Variants in GRXCR1 observed in about 807,000 individuals in gnomAD.
The protein encoded by GRXCR1 is glutaredoxin domain-containing cysteine-rich protein 1.
GRXCR1 carries 27 observed loss-of-function variants against 27.3 expected under a neutral mutation model. That is an observed-to-expected ratio of 0.99 (90% CI 0.73 to 1.37). The LOEUF is 1.37. GRXCR1 is among the 40% of genes most tolerant of loss of function. GRXCR1 has a pLI of 0.00. For missense variants in GRXCR1, 379 were observed against 354.4 expected, an observed-to-expected ratio of 1.07 and a Z score of -0.56; for synonymous variants, 122 against 131.1, an observed-to-expected ratio of 0.93 and a Z score of 0.47.
intron 2 of GRXCR1, among the ~76,000 whole-genome samples, chr4:43,004,198 G>A (rs1157913645): frequency 1.3e-5 from 2 of 152,248 alleles, no homozygotes; most frequent in African/African-American, 4.8e-5. Context: ...AGCCTTGGTG[G>A]CATCCACATG....
At chr4:42,957,283 T>C (rs1300074357) in intron 1 of GRXCR1, among the ~76,000 whole-genome samples, 3 of 152,118 alleles carry the variant, frequency 2.0e-5, no homozygotes, top group Non-Finnish European at 4.4e-5. Flanking sequence ...CTTGTAATTC[T>C]ATATTTATGT....
chr4:43,025,949 C>T lies in GRXCR1; in HGVS notation c.694-4412C>T, dbSNP rs144917853. On this transcript the variant is annotated intron_variant, in intron 3 of 3. Coordinates refer to ENST00000399770, the MANE Select transcript of GRXCR1 (RefSeq NM_001080476.3). ...TGAGATCGTGCCACTGCACTCCAGC[C>T]TGGGAAACAGAGCGAAACTCCGTCT... is the stretch of plus-strand genomic sequence containing the variant. Among the ~76,000 whole-genome samples, 724 of 145,722 alleles carry T rather than the reference C, an allele frequency of 5.0e-3. 9 individuals carry two copies. The highest frequency in any genetic ancestry group is 0.016 in the African/African-American group (614 of 39,346).
Position 42,907,412 on chromosome 4 carries a change from G to T in GRXCR1, c.384+13762G>T, listed in dbSNP as rs369971505. 3.9e-5 allele frequency among the ~76,000 whole-genome samples: 6 copies of T among 152,298 alleles called. No homozygotes were observed. The East Asian group carries it at 9.7e-4, about 25-fold the overall frequency. ...CAGTTCCCACACTGCTGTTGGCTTT[G>T]AAATGATAGCTGATAATCTTCCACT... On this transcript the variant is annotated intron_variant, in intron 1 of 3. Transcript: ENST00000399770.
intron 1 of GRXCR1, among the ~76,000 whole-genome samples, chr4:42,948,149 T>A (rs1747790687): frequency 1.3e-5 from 2 of 152,144 alleles, no homozygotes; most frequent in African/African-American, 4.8e-5. Context: ...TTTAAAACAT[T>A]TTCATTTGTG....
rs183459762 is a variant in GRXCR1 at position 42,966,842 on chromosome 4, T to C, written c.627+3708T>C. Among the ~76,000 whole-genome samples the C allele has an allele frequency of 2.7e-3, 409 of 152,238 alleles. 4 individuals carry two copies. The highest frequency in any genetic ancestry group is 2.5e-4 in the Non-Finnish European group (17 of 68,012). ...GCTTATTGGTCATCTGCATATCTTA[T>C]TTGGTTAGGTGTCTGTTAAGGTCTT... On this transcript the variant is annotated intron_variant, in intron 2 of 3. Transcript: ENST00000399770.
rs1035278254 is a variant in GRXCR1 at position 42,990,340 on chromosome 4, C to T, written c.627+27206C>T. On this transcript the variant is annotated intron_variant, in intron 2 of 3. Transcript: ENST00000399770. ...CCAAGTAGCTGGGACTACAGGCGCC[C>T]GCCACTACGCCCGGCTAATTTTTTG... is the stretch of plus-strand genomic sequence containing the variant. Among the ~76,000 whole-genome samples the T allele has an allele frequency of 3.5e-4, 52 of 150,176 alleles. No homozygotes were observed. The East Asian group carries it at 9.4e-3, about 27-fold the overall frequency.
chr4:43,025,802 C>T (rs936427175), intron 3 of GRXCR1, among the ~76,000 whole-genome samples: 1 of 152,092 alleles, frequency 6.6e-6, no homozygotes, highest in Non-Finnish European at 1.5e-5. Flanking sequence ...CGGTGAAACC[C>T]CGTCTCTACT....
chr4:42,970,808 C>A (rs1748367209), intron 2 of GRXCR1, among the ~76,000 whole-genome samples: 1 of 152,160 alleles, frequency 6.6e-6, no homozygotes, highest in Non-Finnish European at 1.5e-5. Context: ...ATTTCTTCAG[C>A]CAGCAGCTTG....
intron 1 of GRXCR1, among the ~76,000 whole-genome samples, chr4:42,907,784 G>A (rs140038026): frequency 1.4e-3 from 209 of 152,290 alleles, no homozygotes; most frequent in African/African-American, 4.8e-3. Context: ...ATAACTTTAA[G>A]TTTAGTGGAA....
At chr4:42,973,923 G>A (rs1748445799) in intron 2 of GRXCR1, among the ~76,000 whole-genome samples, 1 of 152,098 alleles carries the variant, frequency 6.6e-6, no homozygotes, top group Admixed American at 6.6e-5. Context: ...ATATTACTAA[G>A]GCTAGAGCAT....
At chr4:43,014,499 G>T (rs1712869148) in intron 2 of GRXCR1, among the ~76,000 whole-genome samples, 2 of 152,186 alleles carry the variant, frequency 1.3e-5, no homozygotes, top group Non-Finnish European at 2.9e-5. Flanking sequence ...CATAGCAGAA[G>T]GATCCTTTAT....
At chr4:42,911,857 C>T (rs1275969187) in intron 1 of GRXCR1, among the ~76,000 whole-genome samples, 1 of 152,084 alleles carries the variant, frequency 6.6e-6, no homozygotes, top group East Asian at 1.9e-4. Context: ...TGTGATATAA[C>T]TTACATTAAA....
intron 2 of GRXCR1, among the ~76,000 whole-genome samples, chr4:43,013,373 T>C (rs948568813): frequency 3.3e-5 from 5 of 152,184 alleles, no homozygotes; most frequent in African/African-American, 9.7e-5. Flanking sequence ...AGTGAATTAA[T>C]GCAGGAACAG....
chr4:42,935,442 G>T (rs921849934), intron 1 of GRXCR1, among the ~76,000 whole-genome samples: 1 of 151,816 alleles, frequency 6.6e-6, no homozygotes, highest in Non-Finnish European at 1.5e-5. Context: ...AAATGATTAG[G>T]GTCTGGACAA....
intron 2 of GRXCR1, among the ~76,000 whole-genome samples, chr4:42,993,398 C>T (rs1712036431): frequency 1.3e-5 from 2 of 151,874 alleles, no homozygotes; most frequent in South Asian, 4.1e-4. Flanking sequence ...TTGTGTCAAT[C>T]TTTAAACTAT....
intron 3 of GRXCR1, among the ~76,000 whole-genome samples, chr4:43,023,835 T>C (rs1328447315): frequency 1.3e-5 from 2 of 152,136 alleles, no homozygotes; most frequent in Non-Finnish European, 2.9e-5. Context: ...AAAGAGAAAA[T>C]TATTATTTTA....
At chr4:42,944,188 G>A (rs1747691363) in intron 1 of GRXCR1, among the ~76,000 whole-genome samples, 1 of 152,042 alleles carries the variant, frequency 6.6e-6, no homozygotes. Context: ...GGTGACTACA[G>A]GGTCTGGTAG....
intron 1 of GRXCR1, among the ~76,000 whole-genome samples, chr4:42,943,785 C>T (rs1169357025): frequency 1.3e-5 from 2 of 151,804 alleles, no homozygotes; most frequent in African/African-American, 4.8e-5. Context: ...GGTAAATTTG[C>T]CTTTTAGAAG....
At position 42,901,287 on chromosome 4, in the gene GRXCR1, C is replaced by T. The variant is rs535117128; in HGVS notation, c.384+7637C>T. Among the ~76,000 whole-genome samples, 13 of 152,270 alleles carry T rather than the reference C, an allele frequency of 8.5e-5. No homozygotes were observed. The South Asian group carries it at 2.3e-3, about 27-fold the overall frequency. ...CTACAAACTTAGAGCCTTAAATCAG[C>T]GCAAATCTATCTCTTCACAGTTATG... On this transcript the variant is annotated intron_variant, in intron 1 of 3. Coordinates refer to ENST00000399770, the MANE Select transcript of GRXCR1 (RefSeq NM_001080476.3).
Sources: gnomAD v4.1 joint callset for allele counts (sites outside exome capture counted in the v4.1 genomes callset) on GRCh38, gnomAD v4.1.1 for gene constraint, MANE v1.5 for transcripts, NCBI Gene and HGNC (gene_info 2026-07-23, HGNC 2026-07-21) for gene names.